The following HOXA13 variants were observed in gnomAD, a reference collection of about 807,000 sequenced individuals.
HOXA13 encodes the protein homeobox A13, also known as homeobox protein Hox-A13.
In HOXA13, 5 loss-of-function variants were observed where a neutral mutation model predicts 25.7. That is an observed-to-expected ratio of 0.19 (90% CI 0.10 to 0.41). The LOEUF (loss-of-function observed/expected upper bound fraction) is 0.41. HOXA13 is among the 10% of genes least tolerant of loss of function. The pLI, the probability that HOXA13 is intolerant of heterozygous loss-of-function variation, is 1.00. For synonymous variants in HOXA13, 284 were observed against 241.1 expected (o/e 1.18, Z -1.65); for missense variants, 557 against 533.5 (o/e 1.04, Z -0.43).
Position 27,199,356 on chromosome 7 carries a change from TG to T in HOXA13, c.721del (p.His241ThrfsTer94). On this transcript the variant is annotated frameshift_variant, in exon 1 of 2. Coordinates refer to ENST00000649031, the MANE Select transcript of HOXA13 (RefSeq NM_000522.5). LOFTEE classifies it high-confidence loss of function. ...YHQGYAAGPY[H>X]HHQPMPGYLD... is the part of the protein sequence containing the mutation. ...GTAGCCAGGCATGGGCTGATGGTGG[TG>T]GTAAGGCCCGGCTGCGTAGCCCTGG... 1 of 1,613,932 alleles carries T rather than the reference TG, an allele frequency of 6.2e-7. No individual in the cohort carries two copies. The highest frequency in any genetic ancestry group is 8.5e-7 in the Non-Finnish European group (1 of 1,179,946).
chr7:27,198,201 A>G lies in HOXA13; in HGVS notation c.1164T>C (p.Ser388=), dbSNP rs770101262. Residue 388 remains serine (S), a synonymous_variant, in exon 2 of 2, where the codon AGT becomes AGC. Transcript: ENST00000649031. ...TTCTTGCTCTATTTTTAATCCATTA[A>G]CTAGTGGTTTTCAGTTTGTTGATGA... ...KKVINKLKTT[S] The G allele has an allele frequency of 6.2e-7, 1 of 1,614,104 alleles. No homozygotes were observed. The highest frequency in any genetic ancestry group is 8.5e-7 in the Non-Finnish European group (1 of 1,180,026).
Position 27,198,075 on chromosome 7 carries a change from AGTCTCT to A in HOXA13, c.*117_*122del. 1 of 1,092,528 alleles carries A rather than the reference AGTCTCT, an allele frequency of 9.2e-7. No homozygotes were observed. Among genetic ancestry groups the A allele is most frequent in the Non-Finnish European group, 1.4e-6 (1 of 729,888 alleles). 67.7% of individuals were successfully genotyped at this position (1,092,528 alleles called of 1,614,324 possible). ...ATCTCCTTCGGGAGAGGAAAATGCC[AGTCTCT>A]GTCTCTTTCTCTTTCCCATTCTTCA... On this transcript the variant is annotated 3_prime_UTR_variant, in exon 2 of 2. Coordinates refer to ENST00000649031, the MANE Select transcript of HOXA13 (RefSeq NM_000522.5).
Position 27,198,027 on chromosome 7 carries a change from T to C in HOXA13, c.*171A>G. 2 of 778,282 alleles carry C rather than the reference T, an allele frequency of 2.6e-6. No homozygotes were observed. Among genetic ancestry groups the C allele is most frequent in the Middle Eastern group, 3.8e-4 (1 of 2,620 alleles). 48.2% of individuals were successfully genotyped at this position (778,282 alleles called of 1,614,324 possible). A position where few individuals can be genotyped will look rare whatever the true frequency, so the allele number is the denominator to read the frequency against. ...CTTTCTTAAAGTTTTAAAACAGTTGTAGATTCCATTAAAGAGAAAGAGATC... is the reference window on the plus strand; with the variant it reads ...CTTTCTTAAAGTTTTAAAACAGTTGCAGATTCCATTAAAGAGAAAGAGATC... On this transcript the variant is annotated 3_prime_UTR_variant, in exon 2 of 2. Coordinates refer to ENST00000649031, the MANE Select transcript of HOXA13 (RefSeq NM_000522.5).
At position 27,199,924 on chromosome 7, in the gene HOXA13, C is replaced by A; in HGVS notation, c.154G>T (p.Gly52Trp). The change falls in exon 1 of 2, where the codon GGG becomes TGG. Residue 52 changes from glycine to tryptophan, a missense_variant. Gly to Trp is a radical substitution (Grantham distance 184, BLOSUM62 -2). Coordinates refer to ENST00000649031, the MANE Select transcript of HOXA13 (RefSeq NM_000522.5). ...AAAAAAAAAA[G>W]AGGGGFPHPA... ...TGGGGGAAGCCCCCGCCCCCGGCCC[C>A]GGCAGCCGCCGCCGCTGCAGCCGCT... 1 of 1,238,038 alleles carries A rather than the reference C, an allele frequency of 8.1e-7. No individual in the cohort carries two copies. Among genetic ancestry groups the A allele is most frequent in the Non-Finnish European group, 1.0e-6 (1 of 970,798 alleles). 76.7% of individuals were successfully genotyped at this position (1,238,038 alleles called of 1,614,324 possible). A position where few individuals can be genotyped will look rare whatever the true frequency, so the allele number is the denominator to read the frequency against.
At chr7:27,198,556 G>A in intron 1 of HOXA13, 114 bp from the exon 2 acceptor site, 1 of 1,264,712 alleles carries the variant, frequency 7.9e-7, no homozygotes, top group Admixed American at 1.8e-5. Flanking sequence ...TTTGCCACCC[G>A]CTGTACAATC....
Position 27,197,100 on chromosome 7 carries a change from A to T in HOXA13, c.*1098T>A, listed in dbSNP as rs142106798. On this transcript the variant is annotated 3_prime_UTR_variant, in exon 2 of 2. Transcript: ENST00000649031. ...ACTGCTTGATTAAAAATGTGCTGTGAAGATGAATCACTAATCTTTCTAATG... is the reference window on the plus strand; with the variant it reads ...ACTGCTTGATTAAAAATGTGCTGTGTAGATGAATCACTAATCTTTCTAATG... 1 of 208,246 alleles carries T rather than the reference A, an allele frequency of 4.8e-6. No homozygotes were observed. Among genetic ancestry groups the T allele is most frequent in the Non-Finnish European group, 9.8e-6 (1 of 101,962 alleles). 12.9% of individuals were successfully genotyped at this position (208,246 alleles called of 1,614,324 possible).
In HOXA13 at chr7:27,199,747, C is replaced by G. The variant is rs1258803151; in HGVS notation, c.331G>C (p.Glu111Gln). 1.0e-6 allele frequency: 1 copy of G among 996,912 alleles called. No individual in the cohort carries two copies. 61.8% of individuals were successfully genotyped at this position (996,912 alleles called of 1,614,324 possible). ...GCGGCGGCAGCCGACGGGGGCGCCT[C>G]CCCGGGGGCGCTGCTGTAGGCGGAC... Reference protein sequence around the residue: ...AASAYSSAPGEAPPSAAAAAA... With the variant: ...AASAYSSAPGQAPPSAAAAAA... Residue 111 changes from glutamate to glutamine, a missense_variant, in exon 1 of 2, where the codon GAG becomes CAG. Physicochemically the swap from Glu to Gln is conservative, Grantham distance 29 (BLOSUM62 2). Coordinates refer to ENST00000649031, the MANE Select transcript of HOXA13 (RefSeq NM_000522.5).
At chr7:27,198,630 T>C in intron 1 of HOXA13, 188 bp from the exon 2 acceptor site, 3 of 681,384 alleles carry the variant, frequency 4.4e-6, no homozygotes, top group Non-Finnish European at 7.4e-6. Flanking sequence ...TGAAATGAAA[T>C]CACCCAGGGC....
Position 27,196,874 on chromosome 7 carries a change from T to G in HOXA13, c.*1324A>C, listed in dbSNP as rs11984297. ...AAAGTAAAGAGTATTTTCTGCAGAT[T>G]TTAATGGCAGTGACTATTTTATTAA... On this transcript the variant is annotated 3_prime_UTR_variant, in exon 2 of 2. Coordinates refer to ENST00000649031, the MANE Select transcript of HOXA13 (RefSeq NM_000522.5). 4,878 of 178,000 alleles carry G rather than the reference T, an allele frequency of 0.027. 91 individuals are homozygous for G. The highest frequency in any genetic ancestry group is 0.036 in the Middle Eastern group (16 of 442). The allele number at this position is 178,000 out of a possible 1,614,324, so 11.0% of individuals were successfully genotyped here. A position where few individuals can be genotyped will look rare whatever the true frequency, so the allele number is the denominator to read the frequency against.
intron 1 of HOXA13, 45 bp from the exon 2 acceptor site, chr7:27,198,487 A>C: frequency 1.2e-6 from 2 of 1,610,668 alleles, no homozygotes; most frequent in Non-Finnish European, 1.7e-6. Flanking sequence ...ATCGGACCCC[A>C]GCCAGGGCAT....
At position 27,196,128 on chromosome 7, in the gene HOXA13, A is replaced by G. The variant is rs540205831; in HGVS notation, c.*2070T>C. On this transcript the variant is annotated 3_prime_UTR_variant, in exon 2 of 2. Transcript: ENST00000649031. ...ACAATATCTTGCGTCATTAGCAATT[A>G]ATGATATGATATCTGTACAGATTCT... 2 of 152,376 alleles carry G rather than the reference A, an allele frequency of 1.3e-5. No individual in the cohort carries two copies. The highest frequency in any genetic ancestry group is 1.3e-4 in the Admixed American group (2 of 15,310). The allele number at this position is 152,376 out of a possible 1,614,324, so 9.4% of individuals were successfully genotyped here.
rs983151848 is a variant in HOXA13 at position 27,195,231 on chromosome 7, T to A, written c.*2967A>T. ...GAGACTCTTTCGTAATTCTCATCTA[T>A]AAAGAAGTTGTGAGTCCTCAGGAGA... is the stretch of plus-strand genomic sequence containing the variant. On this transcript the variant is annotated 3_prime_UTR_variant, in exon 2 of 2. Transcript: ENST00000649031. 1 of 152,208 alleles carries A rather than the reference T, an allele frequency of 6.6e-6. No individual in the cohort carries two copies. 9.4% of individuals were successfully genotyped at this position (152,208 alleles called of 1,614,324 possible).
chr7:27,199,615 G>A lies in HOXA13; in HGVS notation c.463C>T (p.Pro155Ser). The stretch of plus-strand genomic sequence containing the variant: ...GAGCTCTGCGCCGCTGCCGAGCAGG[G>A]GCTGCATTGCTTGGCGGCCTCTGCG... Reference protein sequence around the residue: ...AGAEAAKQCSPCSAAAQSSSG... With the variant: ...AGAEAAKQCSSCSAAAQSSSG... Residue 155 changes from proline to serine, a missense_variant, in exon 1 of 2, where the codon CCC (proline) becomes TCC (serine). By Grantham distance (74) the Pro-to-Ser change is moderately conservative. Coordinates refer to ENST00000649031, the MANE Select transcript of HOXA13 (RefSeq NM_000522.5). 1 of 1,439,388 alleles carries A rather than the reference G, an allele frequency of 6.9e-7. No individual in the cohort carries two copies. Among genetic ancestry groups the A allele is most frequent in the Non-Finnish European group, 9.1e-7 (1 of 1,104,126 alleles). 89.2% of individuals were successfully genotyped at this position (1,439,388 alleles called of 1,614,324 possible).
Position 27,198,078 on chromosome 7 carries a change from C to G in HOXA13, c.*120G>C. ...TCCTTCGGGAGAGGAAAATGCCAGT[C>G]TCTGTCTCTTTCTCTTTCCCATTCT... On this transcript the variant is annotated 3_prime_UTR_variant, in exon 2 of 2. Transcript: ENST00000649031. The G allele has an allele frequency of 1.8e-6, 2 of 1,135,270 alleles. No homozygotes were observed. The highest frequency in any genetic ancestry group is 2.6e-5 in the South Asian group (2 of 75,994). The allele number at this position is 1,135,270 out of a possible 1,614,324, so 70.3% of individuals were successfully genotyped here. A position where few individuals can be genotyped will look rare whatever the true frequency, so the allele number is the denominator to read the frequency against.
Position 27,197,321 on chromosome 7 carries a change from G to A in HOXA13, c.*877C>T, listed in dbSNP as rs1784015551. 4.7e-6 allele frequency: 1 copy of A among 212,034 alleles called. No homozygotes were observed. The highest frequency in any genetic ancestry group is 2.3e-5 in the African/African-American group (1 of 44,182). The allele number at this position is 212,034 out of a possible 1,614,324, so 13.1% of individuals were successfully genotyped here. A position where few individuals can be genotyped will look rare whatever the true frequency, so the allele number is the denominator to read the frequency against. On this transcript the variant is annotated 3_prime_UTR_variant, in exon 2 of 2. Coordinates refer to ENST00000649031, the MANE Select transcript of HOXA13 (RefSeq NM_000522.5). ...CAATTCAAATGAAAAAACGAATTGT[G>A]TTCAAACCAAAGTCCATCATGTTGG...
In HOXA13 at chr7:27,197,556, A is replaced by G. The variant is rs931677175; in HGVS notation, c.*642T>C. The G allele has an allele frequency of 6.0e-5, 13 of 217,884 alleles. No individual in the cohort carries two copies. Among genetic ancestry groups the G allele is most frequent in the Admixed American group, 5.8e-4 (10 of 17,270 alleles). The allele number at this position is 217,884 out of a possible 1,614,324, so 13.5% of individuals were successfully genotyped here. A position where few individuals can be genotyped will look rare whatever the true frequency, so the allele number is the denominator to read the frequency against. On this transcript the variant is annotated 3_prime_UTR_variant, in exon 2 of 2. Coordinates refer to ENST00000649031, the MANE Select transcript of HOXA13 (RefSeq NM_000522.5). Reference sequence around the variant, plus strand: ...GACCCGGGTTCTCTTGTAGCCTGAAAGGTTCAGCTGGTTGGTTTTACTATA... The same window carrying G: ...GACCCGGGTTCTCTTGTAGCCTGAAGGGTTCAGCTGGTTGGTTTTACTATA...
Position 27,199,559 on chromosome 7 carries a change from G to T in HOXA13, c.519C>A (p.Tyr173Ter), listed in dbSNP as rs753676416. ...SSGPAALPYG[Y>*]FGSGYYPCAR... is the part of the protein sequence containing the mutation. ...CGCACGGGTAGTAGCCGCTGCCGAA[G>T]TAGCCATAGGGCAGCGCCGCGGGCC... is the stretch of plus-strand genomic sequence containing the variant. The change falls in exon 1 of 2, where the codon TAC becomes TAA. Residue 173 changes from tyrosine to a stop codon, truncating the protein, a stop_gained. Transcript: ENST00000649031. LOFTEE classifies it high-confidence loss of function. The T allele has an allele frequency of 6.4e-7, 1 of 1,562,008 alleles. No homozygotes were observed.
rs554075981 is a variant in HOXA13 at position 27,194,720 on chromosome 7, T to G, written c.*3478A>C. 2 of 152,100 alleles carry G rather than the reference T, an allele frequency of 1.3e-5. No individual in the cohort carries two copies. Among genetic ancestry groups the G allele is most frequent in the African/African-American group, 2.4e-5 (1 of 41,408 alleles). The allele number at this position is 152,100 out of a possible 1,614,324, so 9.4% of individuals were successfully genotyped here. On this transcript the variant is annotated 3_prime_UTR_variant, in exon 2 of 2. Coordinates refer to ENST00000649031, the MANE Select transcript of HOXA13 (RefSeq NM_000522.5). ...GGGGAAAAAATCCCCACAACAACCC[T>G]GAAATGTCTTCTGTCATTACAGTTT...
rs777307609 is a variant in HOXA13 at position 27,197,195 on chromosome 7, C to A, written c.*1003G>T. 4.4e-5 allele frequency: 9 copies of A among 206,076 alleles called. No individual in the cohort carries two copies. Among genetic ancestry groups the A allele is most frequent in the Non-Finnish European group, 7.9e-5 (8 of 100,864 alleles). The allele number at this position is 206,076 out of a possible 1,614,324, so 12.8% of individuals were successfully genotyped here. On this transcript the variant is annotated 3_prime_UTR_variant, in exon 2 of 2. Coordinates refer to ENST00000649031, the MANE Select transcript of HOXA13 (RefSeq NM_000522.5). ...TAGATCAAAATATAGAATATAGACA[C>A]CTAAATATTTCAGGGGAATGAATTT...
Sources: gnomAD v4.1 joint callset for allele counts on GRCh38, gnomAD v4.1.1 for gene constraint, MANE v1.5 for transcripts, NCBI Gene and HGNC (gene_info 2026-07-23, HGNC 2026-07-21) for gene names.